Variants in EIF2D observed in about 807,000 individuals in gnomAD.
EIF2D encodes hepatocellular carcinoma-associated antigen 56.
A neutral mutation model predicts 77.4 loss-of-function variants in EIF2D; 56 were observed. That is an observed-to-expected ratio of 0.72 (90% CI 0.58 to 0.90). The LOEUF (loss-of-function observed/expected upper bound fraction) is 0.90, where lower values mean the gene tolerates loss of function less well. Among genes scored for constraint, EIF2D ranks in the 40% least tolerant of loss-of-function variants. The pLI, the probability that EIF2D is intolerant of heterozygous loss-of-function variation, is 0.00. For missense variants in EIF2D, 574 were observed against 706.5 expected, an observed-to-expected ratio of 0.81 and a Z score of 2.13; for synonymous variants, 230 against 271.0, an observed-to-expected ratio of 0.85 and a Z score of 1.49.
Position 206,609,517 on chromosome 1 carries a change from T to C in EIF2D, c.248-58A>G, listed in dbSNP as rs1380401813. On this transcript the variant is annotated intron_variant, in intron 2 of 14. Transcript: ENST00000271764. ...CCAAAAAGCCAATCTTCTAGAGAAA[T>C]GGAAAAACCTAACACTATGGTCACT... is the stretch of plus-strand genomic sequence containing the variant. 7.2e-6 allele frequency: 10 copies of C among 1,384,862 alleles called. No homozygotes were observed. The East Asian group carries it at 1.8e-4, about 25-fold the overall frequency. The allele number at this position is 1,384,862 out of a possible 1,614,324, so 85.8% of individuals were successfully genotyped here. A position where few individuals can be genotyped will look rare whatever the true frequency, so the allele number is the denominator to read the frequency against.
intron 4 of EIF2D, among the ~76,000 whole-genome samples, chr1:206,575,312 T>C (rs1553404996): frequency 2.0e-5 from 3 of 152,138 alleles, no homozygotes; most frequent in African/African-American, 7.2e-5. Context: ...ATGGCTTCCT[T>C]CCAAGGGGTG....
In EIF2D at chr1:206,605,424, A is replaced by G. The variant is rs781996552; in HGVS notation, c.506T>C (p.Leu169Pro). 3.1e-6 allele frequency: 5 copies of G among 1,613,964 alleles called. No individual in the cohort carries two copies. Among genetic ancestry groups the G allele is most frequent in the Non-Finnish European group, 2.5e-6 (3 of 1,180,002 alleles). Residue 169 changes from leucine (L) to proline (P), a missense_variant, in exon 5 of 15, where the codon CTC becomes CCC. Transcript: ENST00000271764. ...CCACAAGTGGTCCTGGTAAGTGTGG[A>G]GCACAGAGAAGCCCCTTCCCTTCAG... is the stretch of plus-strand genomic sequence containing the variant. Reference protein sequence around the residue: ...SGLKGRGFSVLHTYQDHLWRS... With the variant: ...SGLKGRGFSVPHTYQDHLWRS...
At chr1:206,603,344 C>G in intron 5 of EIF2D, 140 bp from the exon 6 acceptor site, 1 of 1,151,798 alleles carries the variant, frequency 8.7e-7, no homozygotes, top group Non-Finnish European at 1.2e-6. Context: ...AGAGCCTGTG[C>G]CCTCATCTCA....
At chr1:206,576,805 G>A (rs1474895847) in intron 4 of EIF2D, among the ~76,000 whole-genome samples, 1 of 152,038 alleles carries the variant, frequency 6.6e-6, no homozygotes, top group African/African-American at 2.4e-5. Context: ...CATAAATAAA[G>A]TTTGTTTTGT....
chr1:206,591,126 G>A (rs982422008), downstream of EIF2D, among the ~76,000 whole-genome samples: 1 of 152,236 alleles, frequency 6.6e-6, no homozygotes, highest in Non-Finnish European at 1.5e-5. Context: ...GAGGGCATGT[G>A]TTGGATGAGA....
At chr1:206,578,015 GAGTT>G (rs1430010373) in intron 4 of EIF2D, among the ~76,000 whole-genome samples, 4 of 152,104 alleles carry the variant, frequency 2.6e-5, no homozygotes, top group Non-Finnish European at 4.4e-5. Flanking sequence ...TTGAGGCCAG[GAGTT>G]TGAGACCAGC....
At chr1:206,583,301 C>T in intron 2 of EIF2D, 2 of 1,613,818 alleles carry the variant, frequency 1.2e-6, no homozygotes, top group Non-Finnish European at 8.5e-7. Context: ...AGACACAGCG[C>T]CCGCCCACAC....
In EIF2D at chr1:206,602,327, T is replaced by C; in HGVS notation, c.902+9A>G. On this transcript the variant is annotated intron_variant, in intron 7 of 14. Transcript: ENST00000271764. ...CCCGGCCTCCAGCCCACATCAGTGC[T>C]TTCCATACCAGCAGGAGAACATGTG... 4 of 1,613,410 alleles carry C rather than the reference T, an allele frequency of 2.5e-6. No homozygotes were observed. Among genetic ancestry groups the C allele is most frequent in the Non-Finnish European group, 2.5e-6 (3 of 1,179,304 alleles).
intron 4 of EIF2D, among the ~76,000 whole-genome samples, chr1:206,574,443 T>C (rs564581815): frequency 6.2e-4 from 94 of 152,356 alleles, no homozygotes; most frequent in African/African-American, 2.0e-3. Flanking sequence ...ACTGGCGGAC[T>C]GTTGACATTG....
At chr1:206,574,716 C>T (rs1668571105) in intron 4 of EIF2D, among the ~76,000 whole-genome samples, 1 of 152,146 alleles carries the variant, frequency 6.6e-6, no homozygotes. Flanking sequence ...GAAATCAACC[C>T]CTTCACTGCT....
downstream of EIF2D, chr1:206,591,492 G>A: frequency 2.1e-6 from 1 of 469,816 alleles, no homozygotes; most frequent in Non-Finnish European, 3.8e-6. Flanking sequence ...GAATGGGCTG[G>A]CCTGCCTGGA....
At chr1:206,593,967 ATTCTGTC>A in intron 13 of EIF2D, 174 bp from the exon 14 acceptor site, 1 of 546,434 alleles carries the variant, frequency 1.8e-6, no homozygotes, top group Non-Finnish European at 3.1e-6. Context: ...TTCTAAATTG[ATTCTGTC>A]TACCCCATCC....
intron 5 of EIF2D, 34 bp from the exon 6 acceptor site, chr1:206,603,238 C>T (rs1553411847): frequency 6.2e-7 from 1 of 1,606,728 alleles, no homozygotes; most frequent in African/African-American, 1.3e-5. Flanking sequence ...CATCAAGCAG[C>T]AGCTCCAATA....
At chr1:206,573,366 G>A (rs1338436246) in intron 4 of EIF2D, among the ~76,000 whole-genome samples, 1 of 152,192 alleles carries the variant, frequency 6.6e-6, no homozygotes, top group Non-Finnish European at 1.5e-5. Flanking sequence ...TGAGTAATAG[G>A]AGTCAGAAGC....
intron 2 of EIF2D, chr1:206,586,546 C>T: frequency 6.7e-6 from 2 of 296,884 alleles, no homozygotes; most frequent in South Asian, 3.8e-5. Flanking sequence ...AAGATCTCGG[C>T]TGCTACACAG....
chr1:206,583,177 T>C, intron 2 of EIF2D: 1 of 823,382 alleles, frequency 1.2e-6, no homozygotes, highest in Non-Finnish European at 2.1e-6. Flanking sequence ...TGCTCACTTC[T>C]TGGTTAGAGA....
chr1:206,610,526 T>A (rs907607719), intron 2 of EIF2D, among the ~76,000 whole-genome samples: 1 of 150,578 alleles, frequency 6.6e-6, no homozygotes. Context: ...CTCTAAAAAA[T>A]ATATATATTT....
rs1670285011 is a variant in EIF2D, at chr1:206,608,098, T to C, written c.422+138A>G. On this transcript the variant is annotated intron_variant, in intron 4 of 14. Coordinates refer to ENST00000271764, the MANE Select transcript of EIF2D (RefSeq NM_006893.3). ...CCCCATAGGTTTGCTGCCATTCTCC[T>C]GCTGGCCCACTCTGCTTCTTCCAAA... 8 of 639,030 alleles carry C rather than the reference T, an allele frequency of 1.3e-5. No individual in the cohort carries two copies. The South Asian group carries it at 1.7e-4, about 13-fold the overall frequency. 39.6% of individuals were successfully genotyped at this position (639,030 alleles called of 1,614,324 possible).
chr1:206,593,257 T>G (rs1394648561), intron 14 of EIF2D, among the ~76,000 whole-genome samples: 1 of 152,094 alleles, frequency 6.6e-6, no homozygotes, highest in African/African-American at 2.4e-5. Context: ...CTCTGCAGCA[T>G]CATTATGATT....
Sources: gnomAD v4.1 joint callset for allele counts (sites outside exome capture counted in the v4.1 genomes callset) on GRCh38, gnomAD v4.1.1 for gene constraint, MANE v1.5 for transcripts, NCBI Gene and HGNC (gene_info 2026-07-23, HGNC 2026-07-21) for gene names.